DGAT1: variants seen among roughly 807,000 people sequenced by gnomAD.
DGAT1 encodes the protein ACAT related gene product 1.
Under a neutral mutation model 72.6 loss-of-function variants are expected in DGAT1, and 60 were observed. The observed-to-expected ratio is 0.83, with a 90% CI of 0.67 to 1.02. DGAT1 has a LOEUF of 1.02. Ranked by LOEUF, DGAT1 falls within the 50% of genes least tolerant of loss-of-function variation. The pLI is 0.00. For synonymous variants in DGAT1, 290 were observed against 267.5 expected (o/e 1.08, Z -0.82); for missense variants, 592 against 670.0 (o/e 0.88, Z 1.29).
intron 11 of DGAT1, 36 bp from the exon 12 acceptor site, chr8:144,317,624 G>A (rs781963395): frequency 7.4e-6 from 12 of 1,613,780 alleles, no homozygotes; most frequent in Admixed American, 3.3e-5. Flanking sequence ...CCATGCTCCT[G>A]GTCACTCCCC....
At chr8:144,324,899 C>G (rs530674620) in intron 1 of DGAT1, among the ~76,000 whole-genome samples, 5 of 152,160 alleles carry the variant, frequency 3.3e-5, no homozygotes, top group Admixed American at 6.5e-5. Context: ...GAAACCCCAT[C>G]TCTACTAAAA....
rs782651949 is a variant in DGAT1, at chr8:144,315,052, C to T, written c.*1502G>A. 57 of 985,294 alleles carry T rather than the reference C, an allele frequency of 5.8e-5. No individual in the cohort carries two copies. Among genetic ancestry groups the T allele is most frequent in the Non-Finnish European group, 6.4e-5 (53 of 830,024 alleles). The allele number at this position is 985,294 out of a possible 1,614,324, so 61.0% of individuals were successfully genotyped here. On this transcript the variant is annotated 3_prime_UTR_variant, in exon 17 of 17. Transcript: ENST00000528718. ...TGCCAGAGCCAGCACCCTGTGTAGG[C>T]ACGGGGAACGGGAGCCTGTCCCGTA...
Position 144,315,005 on chromosome 8 carries a change from CG to C in DGAT1, c.*1548del. Reference sequence around the variant, plus strand: ...GGTGTTCGCACTCGGACAGGTGATGCGGGGCGGGCACACTGTCTTTCTGCCA... The same window carrying C: ...GGTGTTCGCACTCGGACAGGTGATGCGGGCGGGCACACTGTCTTTCTGCCA... On this transcript the variant is annotated 3_prime_UTR_variant, in exon 17 of 17. Transcript: ENST00000528718. 1.0e-6 allele frequency: 1 copy of C among 985,694 alleles called. No individual in the cohort carries two copies. The highest frequency in any genetic ancestry group is 1.2e-6 in the Non-Finnish European group (1 of 830,150). The allele number at this position is 985,694 out of a possible 1,614,324, so 61.1% of individuals were successfully genotyped here. A position where few individuals can be genotyped will look rare whatever the true frequency, so the allele number is the denominator to read the frequency against.
intron 3 of DGAT1, 24 bp downstream of exon 3, chr8:144,319,004 G>A (rs1817359426): frequency 1.3e-6 from 2 of 1,558,458 alleles, no homozygotes; most frequent in Admixed American, 1.9e-5. Context: ...TGGGGCAGGG[G>A]TGGGACCTGG....
chr8:144,317,307 C>T, intron 13 of DGAT1, 26 bp downstream of exon 13: 1 of 1,612,806 alleles, frequency 6.2e-7, no homozygotes, highest in South Asian at 1.1e-5. Context: ...CATCCCAGCC[C>T]CCAGGGACAC....
chr8:144,324,566 G>A (rs1817546407), intron 1 of DGAT1, among the ~76,000 whole-genome samples: 1 of 152,094 alleles, frequency 6.6e-6, no homozygotes, highest in Non-Finnish European at 1.5e-5. Context: ...TCCATCTACT[G>A]CCCCTCTTCC....
In DGAT1 at chr8:144,318,882, A is replaced by T; in HGVS notation, c.368T>A (p.Leu123Gln). The change falls in exon 4 of 17, where the codon CTG becomes CAG. Residue 123 changes from leucine to glutamine, a missense_variant. Physicochemically the swap from Leu to Gln is moderately radical, Grantham distance 113. Transcript: ENST00000528718. ...ILVDPIQVVS[L>Q]FLKDPYSWPA... ...CCAGCTATAGGGATCCTTCAGGAACAGAGAAACCACCTGGATGGGGTCCAC... is the reference window on the plus strand; with the variant it reads ...CCAGCTATAGGGATCCTTCAGGAACTGAGAAACCACCTGGATGGGGTCCAC... 1 of 1,611,486 alleles carries T rather than the reference A, an allele frequency of 6.2e-7. No homozygotes were observed. The highest frequency in any genetic ancestry group is 1.1e-5 in the South Asian group (1 of 90,876).
chr8:144,322,346 C>G (rs1431682841), intron 1 of DGAT1, among the ~76,000 whole-genome samples: 2 of 152,236 alleles, frequency 1.3e-5, no homozygotes, highest in Non-Finnish European at 2.9e-5. Context: ...ACACCACACA[C>G]AGCATTGAGC....
chr8:144,322,940 G>A (rs1269384777), intron 1 of DGAT1, among the ~76,000 whole-genome samples: 1 of 152,156 alleles, frequency 6.6e-6, no homozygotes, highest in Non-Finnish European at 1.5e-5. Flanking sequence ...CTCACTGCCT[G>A]CCCACAACCA....
At chr8:144,318,388 C>T in intron 6 of DGAT1, 26 bp from the exon 7 acceptor site, 4 of 1,609,132 alleles carry the variant, frequency 2.5e-6, no homozygotes, top group South Asian at 1.1e-5. Context: ...ACTCAGGCCT[C>T]CACAGCGCCA....
Position 144,326,829 on chromosome 8 carries a change from T to C in DGAT1, c.-193A>G. The C allele has an allele frequency of 6.7e-6, 2 of 300,378 alleles. No homozygotes were observed. The highest frequency in any genetic ancestry group is 1.1e-5 in the Non-Finnish European group (2 of 183,786). 18.6% of individuals were successfully genotyped at this position (300,378 alleles called of 1,614,324 possible). On this transcript the variant is annotated 5_prime_UTR_variant, in exon 1 of 17. Coordinates refer to ENST00000528718, the MANE Select transcript of DGAT1 (RefSeq NM_012079.6). ...GCCCGTCGGCCTCAAGGACAACGGC[T>C]GCGTTGCTCCGGAGCCGCTAACTAA... is the stretch of plus-strand genomic sequence containing the variant.
chr8:144,316,565 C>A lies in DGAT1; in HGVS notation c.1456G>T (p.Ala486Ser). 1 of 1,595,092 alleles carries A rather than the reference C, an allele frequency of 6.3e-7. No homozygotes were observed. The highest frequency in any genetic ancestry group is 8.5e-7 in the Non-Finnish European group (1 of 1,171,532). ...YYVLNYEAPA[A>S]EA ...CCCTCAGGTGCAGCTCAGGCCTCTGCCGCTGGGGCCTCATAGTTGAGCACG... is the reference window on the plus strand; with the variant it reads ...CCCTCAGGTGCAGCTCAGGCCTCTGACGCTGGGGCCTCATAGTTGAGCACG... Residue 486 changes from alanine (A) to serine (S), a missense_variant, in exon 17 of 17, where the codon GCA (alanine) becomes TCA (serine). By Grantham distance (99) the Ala-to-Ser change is moderately conservative. Coordinates refer to ENST00000528718, the MANE Select transcript of DGAT1 (RefSeq NM_012079.6).
chr8:144,318,191 A>C (rs782193169), intron 7 of DGAT1, 22 bp from the exon 8 acceptor site: 1 of 1,608,966 alleles, frequency 6.2e-7, no homozygotes, highest in East Asian at 2.2e-5. Flanking sequence ...GCAGAGTGGG[A>C]GGGGGCTGGT....
intron 13 of DGAT1, 40 bp from the exon 14 acceptor site, chr8:144,317,292 T>C (rs202029104): frequency 2.5e-6 from 4 of 1,613,126 alleles, no homozygotes; most frequent in African/African-American, 1.3e-5. Flanking sequence ...GAGCACACCA[T>C]GGCCCATCCC....
rs1466440407 is a variant in DGAT1, at chr8:144,317,313, G to A, written c.1094+20C>T. 6.2e-7 allele frequency: 1 copy of A among 1,612,540 alleles called. No homozygotes were observed. The highest frequency in any genetic ancestry group is 8.5e-7 in the Non-Finnish European group (1 of 1,179,326). ...ACCATGGCCCATCCCAGCCCCCAGGGACACCCCAGGGACACTCACCACCAG... is the reference window on the plus strand; with the variant it reads ...ACCATGGCCCATCCCAGCCCCCAGGAACACCCCAGGGACACTCACCACCAG... On this transcript the variant is annotated intron_variant, in intron 13 of 16. Coordinates refer to ENST00000528718, the MANE Select transcript of DGAT1 (RefSeq NM_012079.6).
intron 2 of DGAT1, among the ~76,000 whole-genome samples, chr8:144,320,452 G>A (rs1043123791): frequency 6.6e-6 from 1 of 152,194 alleles, no homozygotes; most frequent in Non-Finnish European, 1.5e-5. Context: ...CATGGGCGGT[G>A]GGGGATGTGG....
Sources: gnomAD v4.1 joint callset for allele counts (sites outside exome capture counted in the v4.1 genomes callset) on GRCh38, gnomAD v4.1.1 for gene constraint, MANE v1.5 for transcripts, NCBI Gene and HGNC (gene_info 2026-07-23, HGNC 2026-07-21) for gene names.